Variants in PPP1R2 observed in about 807,000 individuals in gnomAD.
PPP1R2 encodes protein phosphatase inhibitor 2.
PPP1R2 carries 16 observed loss-of-function variants against 29.9 expected under a neutral mutation model. The ratio of observed to expected loss-of-function variants is 0.53; its 90% CI spans 0.36 to 0.81. The LOEUF (loss-of-function observed/expected upper bound fraction) is 0.81, where lower values mean the gene tolerates loss of function less well. Ranked by LOEUF, PPP1R2 falls within the 30% of genes least tolerant of loss-of-function variation. The probability of loss-of-function intolerance (pLI) is 0.00; values close to 1 mark genes in which losing one functional copy is unlikely to be tolerated. For missense variants in PPP1R2, 197 were observed against 252.7 expected (o/e 0.78, Z 1.49); for synonymous variants, 76 against 91.5 (o/e 0.83, Z 0.96).
At chr3:195,535,683 A>T (rs1392329577) in intron 1 of PPP1R2, among the ~76,000 whole-genome samples, 1 of 152,196 alleles carries the variant, frequency 6.6e-6, no homozygotes. Context: ...TAGAAGAAGC[A>T]AAGCCAGGAA....
chr3:195,529,818 T>C lies in PPP1R2; in HGVS notation c.206A>G (p.Asp69Gly). ...CCTATGGTAAGGAGTGCTTGGTTCA[T>C]CTATTTTCATTAAACCATAGTCTTT... ...ADKDYGLMKI[D>G]EPSTPYHSMM... The change falls in exon 2 of 6, where the codon GAT becomes GGT. Residue 69 changes from aspartate to glycine, a missense_variant. Asp to Gly is a moderately conservative substitution (Grantham distance 94). Coordinates refer to ENST00000618156, the MANE Select transcript of PPP1R2 (RefSeq NM_006241.8). The C allele has an allele frequency of 6.2e-7, 1 of 1,607,212 alleles. No homozygotes were observed. The highest frequency in any genetic ancestry group is 8.5e-7 in the Non-Finnish European group (1 of 1,177,644).
At chr3:195,529,041 AT>A (rs879663216) in intron 2 of PPP1R2, 643 of 129,306 alleles carry the variant, frequency 5.0e-3, no homozygotes, top group East Asian at 0.012. Flanking sequence ...TAATTTTTGT[AT>A]TTTTTTTTTT....
intron 1 of PPP1R2, among the ~76,000 whole-genome samples, chr3:195,537,684 AGTTT>A (rs200035431): frequency 0.05 from 7,285 of 144,288 alleles, 282 homozygotes; most frequent in South Asian, 0.19. Context: ...AATTTTTCCC[AGTTT>A]GTTTGCCATT....
At chr3:195,542,107 A>C (rs1362614310) in intron 1 of PPP1R2, among the ~76,000 whole-genome samples, 3 of 152,216 alleles carry the variant, frequency 2.0e-5, no homozygotes, top group Non-Finnish European at 4.4e-5. Context: ...AACCCACTAC[A>C]GATACTGTAC....
chr3:195,533,893 T>C (rs1379920281), intron 1 of PPP1R2, among the ~76,000 whole-genome samples: 1 of 152,212 alleles, frequency 6.6e-6, no homozygotes, highest in East Asian at 1.9e-4. Flanking sequence ...TTGGAGAATT[T>C]AATGCGAGCA....
intron 1 of PPP1R2, among the ~76,000 whole-genome samples, chr3:195,539,138 T>C (rs1013057790): frequency 3.9e-5 from 6 of 152,210 alleles, no homozygotes; most frequent in Admixed American, 3.3e-4. Flanking sequence ...TAGTACATCT[T>C]AGAATCAACA....
intron 1 of PPP1R2, among the ~76,000 whole-genome samples, chr3:195,534,460 T>C (rs1269449573): frequency 1.3e-5 from 2 of 152,160 alleles, no homozygotes; most frequent in African/African-American, 4.8e-5. Flanking sequence ...GAAGCAAGCA[T>C]CAGGATTTAA....
rs1718562895 is a variant in PPP1R2 at position 195,516,824 on chromosome 3, G to C, written c.*72C>G. 7.4e-7 allele frequency: 1 copy of C among 1,343,414 alleles called. No homozygotes were observed. The highest frequency in any genetic ancestry group is 1.2e-5 in the South Asian group (1 of 83,632). 83.2% of individuals were successfully genotyped at this position (1,343,414 alleles called of 1,614,324 possible). A position where few individuals can be genotyped will look rare whatever the true frequency, so the allele number is the denominator to read the frequency against. ...TGGTACTTAAGTCATGAATTGTGAA[G>C]AACAAGAAGCAACGTACTATAGTCA... On this transcript the variant is annotated 3_prime_UTR_variant, in exon 6 of 6. Transcript: ENST00000618156.
Position 195,532,038 on chromosome 3 carries a change from C to G in PPP1R2, c.123-2137G>C, listed in dbSNP as rs141165717. Among the ~76,000 whole-genome samples, 275 of 152,050 alleles carry G rather than the reference C, an allele frequency of 1.8e-3. 1 individual carries two copies. Among genetic ancestry groups the G allele is most frequent in the African/African-American group, 6.5e-3 (268 of 41,486 alleles). On this transcript the variant is annotated intron_variant, in intron 1 of 5. Coordinates refer to ENST00000618156, the MANE Select transcript of PPP1R2 (RefSeq NM_006241.8). ...CATATTGTAGCATGTGTCAGAATGT[C>G]TCTCTTTTTTTAAGAGACTGGGTCT...
intron 5 of PPP1R2, 122 bp from the exon 6 acceptor site, chr3:195,517,064 T>C: frequency 5.4e-6 from 4 of 741,206 alleles, no homozygotes; most frequent in Middle Eastern, 2.4e-4. Context: ...ATAAGGTATA[T>C]TTCATGTAGG....
chr3:195,518,511 C>A (rs533880942), intron 5 of PPP1R2, among the ~76,000 whole-genome samples: 288 of 151,984 alleles, frequency 1.9e-3, no homozygotes, highest in Middle Eastern at 3.4e-3. Flanking sequence ...ATCAGCCAGG[C>A]GTGGTGGCAG....
At chr3:195,537,306 G>A (rs1251875801) in intron 1 of PPP1R2, among the ~76,000 whole-genome samples, 1 of 152,026 alleles carries the variant, frequency 6.6e-6, no homozygotes, top group African/African-American at 2.4e-5. Flanking sequence ...GAACATATTT[G>A]TATATATGCT....
chr3:195,521,082 G>A (rs184255047), intron 4 of PPP1R2, among the ~76,000 whole-genome samples: 349 of 152,036 alleles, frequency 2.3e-3, no homozygotes, highest in African/African-American at 7.9e-3. Flanking sequence ...TTGGGAGGCC[G>A]AGGAGGGCGG....
chr3:195,526,967 G>A (rs990783266), intron 2 of PPP1R2, among the ~76,000 whole-genome samples: 10 of 152,068 alleles, frequency 6.6e-5, no homozygotes, highest in Non-Finnish European at 1.3e-4. Flanking sequence ...ATTTTCAGTA[G>A]AGACGGGGTT....
At chr3:195,519,659 G>A (rs1255789785) in intron 4 of PPP1R2, 5 of 151,810 alleles carry the variant, frequency 3.3e-5, no homozygotes, top group African/African-American at 9.7e-5. Flanking sequence ...TTATAATTAA[G>A]AAAAAATCCT....
At chr3:195,540,358 G>A (rs574148071) in intron 1 of PPP1R2, among the ~76,000 whole-genome samples, 5 of 152,278 alleles carry the variant, frequency 3.3e-5, no homozygotes, top group African/African-American at 4.8e-5. Context: ...GGTGAATCTG[G>A]TGTGTAAAAT....
chr3:195,519,957 A>G (rs1176373462), intron 4 of PPP1R2, among the ~76,000 whole-genome samples: 1 of 151,484 alleles, frequency 6.6e-6, no homozygotes, highest in Non-Finnish European at 1.5e-5. Flanking sequence ...GGGCCAATAT[A>G]AAATTGCCAG....
chr3:195,518,884 T>C, intron 5 of PPP1R2, 134 bp downstream of exon 5: 1 of 1,373,812 alleles, frequency 7.3e-7, no homozygotes, highest in Admixed American at 2.8e-5. Context: ...GTTAAAACTT[T>C]AGAAACATTT....
chr3:195,533,594 G>A (rs73196134), intron 1 of PPP1R2, among the ~76,000 whole-genome samples: 38,509 of 152,118 alleles, frequency 0.25, 6,111 homozygotes, highest in Admixed American at 0.44. Context: ...CGCTTGATGA[G>A]TACCTTAGAT....
Sources: allele counts gnomAD v4.1 joint callset (sites outside exome capture counted in the v4.1 genomes callset), GRCh38; gene constraint gnomAD v4.1.1; transcripts MANE v1.5; gene names NCBI Gene and HGNC (gene_info 2026-07-23, HGNC 2026-07-21).